Variants in MCAM observed in about 807,000 individuals in gnomAD.
MCAM encodes cell surface glycoprotein MUC18.
A neutral mutation model predicts 79.1 loss-of-function variants in MCAM; 55 were observed. The observed-to-expected ratio is 0.70, with a 90% CI of 0.56 to 0.87. The LOEUF (loss-of-function observed/expected upper bound fraction) is 0.87, where lower values mean the gene tolerates loss of function less well. Among genes scored for constraint, MCAM ranks in the 40% least tolerant of loss-of-function variants. MCAM has a pLI of 0.00. For synonymous variants in MCAM, 330 were observed against 339.8 expected (o/e 0.97, Z 0.32); for missense variants, 745 against 839.8 (o/e 0.89, Z 1.40).
rs2509405 is a variant in MCAM, at chr11:119,309,720, C to A, written c.*166G>T. On this transcript the variant is annotated 3_prime_UTR_variant, in exon 16 of 16. Coordinates refer to ENST00000264036, the MANE Select transcript of MCAM (RefSeq NM_006500.3). ...CCCTGAAAAGCGGGCCTTGCAGGGC[C>A]AAGTGAGGTCCTCAGGTCCTAACCC... 1.5e-5 allele frequency: 10 copies of A among 677,494 alleles called. No homozygotes were observed. The Admixed American group carries it at 2.4e-4, about 16-fold the overall frequency. The allele number at this position is 677,494 out of a possible 1,614,324, so 42.0% of individuals were successfully genotyped here.
rs569575721 is a variant in MCAM at position 119,315,814 on chromosome 11, C to T, written c.68-551G>A. On this transcript the variant is annotated intron_variant, in intron 1 of 15. Transcript: ENST00000264036. This position sits in a 1 kb window ranked among gnomAD's most constrained non-coding sequence, Gnocchi z 4.4. ...CTCCGCACACACCCGCGGACCCCAC[C>T]CTAGGTAGCTGGTAAGGATGGAGAG... The T allele has an allele frequency of 1.2e-5, 2 of 161,014 alleles. No individual in the cohort carries two copies. The highest frequency in any genetic ancestry group is 2.4e-5 in the African/African-American group (1 of 41,796). The allele number at this position is 161,014 out of a possible 1,614,324, so 10.0% of individuals were successfully genotyped here.
Position 119,315,221 on chromosome 11 carries a change from T to C in MCAM, c.110A>G (p.Glu37Gly). 6.2e-7 allele frequency: 1 copy of C among 1,612,522 alleles called. No homozygotes were observed. Among genetic ancestry groups the C allele is most frequent in the South Asian group, 1.1e-5 (1 of 91,066 alleles). Residue 37 changes from glutamate to glycine, a missense_variant, in exon 2 of 16, where the codon GAG becomes GGG. Transcript: ENST00000264036. This position sits in a 1 kb window ranked among gnomAD's most constrained non-coding sequence, Gnocchi z 4.4. ...EAEQPAPELV[E>G]VEVGSTALLK... Reference sequence around the variant, plus strand: ...AAGGGCTGTGCTGCCCACTTCCACCTCCACCAGCTCAGGCGCAGGCTGCTC... The same window carrying C: ...AAGGGCTGTGCTGCCCACTTCCACCCCCACCAGCTCAGGCGCAGGCTGCTC...
rs978961296 is a variant in MCAM at position 119,314,710 on chromosome 11, C to G, written c.440G>C (p.Gly147Ala). ...AGGCTCCTTACTGTTCACAGGGATGCCCAGGGGGTTGACCTGGATGTTTGG... is the reference window on the plus strand; with the variant it reads ...AGGCTCCTTACTGTTCACAGGGATGGCCAGGGGGTTGACCTGGATGTTTGG... ...EEPNIQVNPL[G>A]IPVNSKEPEE... The change falls in exon 4 of 16, where the codon GGC (glycine) becomes GCC (alanine). Residue 147 changes from glycine (G) to alanine (A), a missense_variant. By Grantham distance (60) the Gly-to-Ala change is moderately conservative. Transcript: ENST00000264036. 1 of 1,613,856 alleles carries G rather than the reference C, an allele frequency of 6.2e-7. No individual in the cohort carries two copies. The highest frequency in any genetic ancestry group is 2.2e-5 in the East Asian group (1 of 44,894).
Position 119,309,801 on chromosome 11 carries a change from TC to T in MCAM, c.*84del, listed in dbSNP as rs1950200079. 1.1e-5 allele frequency: 15 copies of T among 1,374,012 alleles called. No homozygotes were observed. In the South Asian group the frequency reaches 1.9e-4, roughly 17 times the overall value. 85.1% of individuals were successfully genotyped at this position (1,374,012 alleles called of 1,614,324 possible). ...AGGGGAGCAGGAGGCTTCTCTCTAG[TC>T]CCTTTGGAGGCTTTGGCTGAGAGAA... On this transcript the variant is annotated 3_prime_UTR_variant, in exon 16 of 16. Transcript: ENST00000264036.
Position 119,316,949 on chromosome 11 carries a change from AC to A in MCAM, c.67+85del. On this transcript the variant is annotated intron_variant, in intron 1 of 15. Coordinates refer to ENST00000264036, the MANE Select transcript of MCAM (RefSeq NM_006500.3). This position sits in a 1 kb window ranked among gnomAD's most constrained non-coding sequence, Gnocchi z 4.8. The stretch of plus-strand genomic sequence containing the variant: ...TCGTCCTCCCAGACGCAACGCCCCG[AC>A]CCCGCCGCGCCGCTGGCTCTGCTCC... 1 of 1,231,844 alleles carries A rather than the reference AC, an allele frequency of 8.1e-7. No homozygotes were observed. The highest frequency in any genetic ancestry group is 1.1e-6 in the Non-Finnish European group (1 of 900,408). The allele number at this position is 1,231,844 out of a possible 1,614,324, so 76.3% of individuals were successfully genotyped here.
rs1183508879 is a variant in MCAM at position 119,311,989 on chromosome 11, C to T, written c.1144-40G>A. 6.8e-6 allele frequency: 11 copies of T among 1,610,854 alleles called. No homozygotes were observed. The highest frequency in any genetic ancestry group is 9.3e-6 in the Non-Finnish European group (11 of 1,178,464). ...GGGTCAGAGGGTCTGGGAAAGAGCA[C>T]ATTCTTGTCACCGCCAGCCCCACCC... is the stretch of plus-strand genomic sequence containing the variant. On this transcript the variant is annotated intron_variant, in intron 9 of 15. Transcript: ENST00000264036. The surrounding 1 kb of genome is among the most constrained non-coding windows in gnomAD (Gnocchi z 4.4).
chr11:119,311,543 T>A lies in MCAM; in HGVS notation c.1394A>T (p.Asn465Ile). 1 of 1,614,092 alleles carries A rather than the reference T, an allele frequency of 6.2e-7. No individual in the cohort carries two copies. The highest frequency in any genetic ancestry group is 8.5e-7 in the Non-Finnish European group (1 of 1,179,988). Residue 465 changes from asparagine (N) to isoleucine (I), a missense_variant, in exon 11 of 16, where the codon AAC (asparagine) becomes ATC (isoleucine). Transcript: ENST00000264036. This position sits in a 1 kb window ranked among gnomAD's most constrained non-coding sequence, Gnocchi z 4.4. ...ACACCCGCTCACCGTGCCGTTGACG[T>A]TCCAGGAGATGGTGGGCCGGGGGTG... ...SGHPRPTISW[N>I]VNGTASEQDQ...
At chr11:119,313,032 G>T (rs767539651) in intron 5 of MCAM, 83 bp from the exon 6 acceptor site, 1 of 1,598,796 alleles carries the variant, frequency 6.3e-7, no homozygotes, top group East Asian at 2.2e-5. Context: ...GGGTTGGCAG[G>T]GGACCATCTA....
In MCAM at chr11:119,309,918, A is replaced by G. The variant is rs1244817750; in HGVS notation, c.1912-3T>C. 5.0e-6 allele frequency: 8 copies of G among 1,600,422 alleles called. No individual in the cohort carries two copies. In the Admixed American group the frequency reaches 5.2e-5, roughly 10 times the overall value. On this transcript the variant is annotated splice_region_variant and splice_polypyrimidine_tract_variant and intron_variant, in intron 15 of 15. Coordinates refer to ENST00000264036, the MANE Select transcript of MCAM (RefSeq NM_006500.3). ...CTCAGATCGATGTATTTCTCTCCCT[A>G]AAAGTGGGTAGAGGAGAAGAGGGGA...
rs373395447 is a variant in MCAM at position 119,311,426 on chromosome 11, G to A, written c.1408-5C>T. The A allele has an allele frequency of 8.7e-6, 14 of 1,614,062 alleles. No homozygotes were observed. In the East Asian group the frequency reaches 1.1e-4, roughly 13 times the overall value. On this transcript the variant is annotated splice_region_variant and splice_polypyrimidine_tract_variant and intron_variant, in intron 11 of 15. Transcript: ENST00000264036. The surrounding 1 kb of genome is among the most constrained non-coding windows in gnomAD (Gnocchi z 4.4). ...ATCTTGGTCTTGTTCACTTGCCTGC[G>A]AGGAAAGGAAGGAGGCAGCTCAGGG...
rs965895336 is a variant in MCAM at position 119,314,370 on chromosome 11, G to A, written c.559+119C>T. The A allele has an allele frequency of 8.5e-5, 74 of 867,142 alleles. No homozygotes were observed. In the East Asian group the frequency reaches 1.6e-3, roughly 19 times the overall value. The allele number at this position is 867,142 out of a possible 1,614,324, so 53.7% of individuals were successfully genotyped here. ...AGGGTCACCCTATGTTGTCCAAGGT[G>A]GTCCTGAACTCCTCACCTCCAGAGA... On this transcript the variant is annotated intron_variant, in intron 5 of 15. Coordinates refer to ENST00000264036, the MANE Select transcript of MCAM (RefSeq NM_006500.3).
Position 119,316,755 on chromosome 11 carries a change from C to T in MCAM, c.67+280G>A, listed in dbSNP as rs1021021792. ...AGCACCTCAGGGACCACCCACCCCC[C>T]AGCACCCCGAAAGGCTGAGCTCCAC... On this transcript the variant is annotated intron_variant, in intron 1 of 15. Coordinates refer to ENST00000264036, the MANE Select transcript of MCAM (RefSeq NM_006500.3). This position sits in a 1 kb window ranked among gnomAD's most constrained non-coding sequence, Gnocchi z 4.8. 9 of 454,966 alleles carry T rather than the reference C, an allele frequency of 2.0e-5. No homozygotes were observed. In the East Asian group the frequency reaches 2.1e-4, roughly 11 times the overall value. 28.2% of individuals were successfully genotyped at this position (454,966 alleles called of 1,614,324 possible).
chr11:119,314,135 GCAGTTC>G, intron 5 of MCAM: 1 of 662,748 alleles, frequency 1.5e-6, no homozygotes. Flanking sequence ...AAAATATAAG[GCAGTTC>G]CTGTGTAGTA....
Position 119,316,970 on chromosome 11 carries a change from T to C in MCAM, c.67+65A>G, listed in dbSNP as rs1473340573. ...CCCGACCCCGCCGCGCCGCTGGCTCTGCTCCCTGGCACGCTCCACCGCAGA... is the reference window on the plus strand; with the variant it reads ...CCCGACCCCGCCGCGCCGCTGGCTCCGCTCCCTGGCACGCTCCACCGCAGA... On this transcript the variant is annotated intron_variant, in intron 1 of 15. Transcript: ENST00000264036. This position sits in a 1 kb window ranked among gnomAD's most constrained non-coding sequence, Gnocchi z 4.8. 2 of 1,404,606 alleles carry C rather than the reference T, an allele frequency of 1.4e-6. No individual in the cohort carries two copies. Among genetic ancestry groups the C allele is most frequent in the Middle Eastern group, 2.4e-4 (1 of 4,218 alleles). 87.0% of individuals were successfully genotyped at this position (1,404,606 alleles called of 1,614,324 possible).
rs753705391 is a variant in MCAM, at chr11:119,310,344, C to T, written c.1911+5G>A. ...CAGGCTCTGGCCACAGGAACCGCCT[C>T]CTACCTGGTCTCCCGGAGCCCTCTT... On this transcript the variant is annotated splice_donor_5th_base_variant and intron_variant, in intron 15 of 15. Transcript: ENST00000264036. The T allele has an allele frequency of 1.2e-6, 2 of 1,600,654 alleles. No individual in the cohort carries two copies. The highest frequency in any genetic ancestry group is 1.7e-5 in the Admixed American group (1 of 60,012).
intron 5 of MCAM, chr11:119,313,801 G>C (rs1950270150): frequency 4.3e-6 from 1 of 234,214 alleles, no homozygotes; most frequent in African/African-American, 2.3e-5. Context: ...GATGGCAGTA[G>C]CACCCCCTCT....
chr11:119,309,517 G>A lies in MCAM; in HGVS notation c.*369C>T, dbSNP rs1019262809. 2 of 286,454 alleles carry A rather than the reference G, an allele frequency of 7.0e-6. No individual in the cohort carries two copies. The highest frequency in any genetic ancestry group is 4.3e-5 in the African/African-American group (2 of 46,574). 17.7% of individuals were successfully genotyped at this position (286,454 alleles called of 1,614,324 possible). A position where few individuals can be genotyped will look rare whatever the true frequency, so the allele number is the denominator to read the frequency against. On this transcript the variant is annotated 3_prime_UTR_variant, in exon 16 of 16. Transcript: ENST00000264036. ...TGGTGGAAGCCAGCCTTTGGGGCAGGAAACCAGCTCAGAGAGGCTACCCAG... is the reference window on the plus strand; with the variant it reads ...TGGTGGAAGCCAGCCTTTGGGGCAGAAAACCAGCTCAGAGAGGCTACCCAG...
In MCAM at chr11:119,314,549, A is replaced by G. The variant is rs757708628; in HGVS notation, c.499T>C (p.Tyr167His). Residue 167 changes from tyrosine to histidine, a missense_variant, in exon 5 of 16, where the codon TAC (tyrosine) becomes CAC (histidine). Transcript: ENST00000264036. ...EVATCVGRNG[Y>H]PIPQVIWYKN... The stretch of plus-strand genomic sequence containing the variant: ...TACCAGATGACTTGAGGAATGGGGT[A>G]CCCGTTCCTCCCTACACAGGTAGCG... 6.2e-6 allele frequency: 10 copies of G among 1,613,586 alleles called. No individual in the cohort carries two copies. The South Asian group carries it at 1.1e-4, about 18-fold the overall frequency.
chr11:119,315,260 A>T lies in MCAM; in HGVS notation c.71T>A (p.Val24Glu). 1.2e-6 allele frequency: 2 copies of T among 1,609,050 alleles called. No homozygotes were observed. The highest frequency in any genetic ancestry group is 1.7e-6 in the Non-Finnish European group (2 of 1,179,530). Reference sequence around the variant, plus strand: ...CGCAGGCTGCTCAGCCTCTCCGGGCACACCTGGGGGAGGGAGGCGGGGCCC... The same window carrying T: ...CGCAGGCTGCTCAGCCTCTCCGGGCTCACCTGGGGGAGGGAGGCGGGGCCC... ...ACCCCPRVAGVPGEAEQPAPE... is the reference protein window; with the variant it reads ...ACCCCPRVAGEPGEAEQPAPE... Residue 24 changes from valine to glutamate, a missense_variant, in exon 2 of 16, where the codon GTG becomes GAG. Coordinates refer to ENST00000264036, the MANE Select transcript of MCAM (RefSeq NM_006500.3). This position sits in a 1 kb window ranked among gnomAD's most constrained non-coding sequence, Gnocchi z 4.4.
Sources: allele counts gnomAD v4.1 joint callset, GRCh38; gene constraint gnomAD v4.1.1; non-coding constraint Gnocchi (gnomAD v3.1); transcripts MANE v1.5; gene names NCBI Gene and HGNC (gene_info 2026-07-23, HGNC 2026-07-21).